FOCAD: variants seen among roughly 807,000 people sequenced by gnomAD.
FOCAD encodes the protein KIAA1797.
In FOCAD, 198 loss-of-function variants were observed where a neutral mutation model predicts 225.6. The observed-to-expected ratio is 0.88, with a 90% confidence interval of 0.78 to 0.99. FOCAD has a LOEUF of 0.99. Among genes scored for constraint, FOCAD ranks in the 50% least tolerant of loss-of-function variants. FOCAD has a pLI of 0.00. For synonymous variants in FOCAD, 897 were observed against 755.0 expected, an observed-to-expected ratio of 1.19 and a Z score of -3.08; for missense variants, 2,713 against 2,123.6, an observed-to-expected ratio of 1.28 and a Z score of -5.46.
intron 31 of FOCAD, 61 bp downstream of exon 31, chr9:20,948,454 T>C: frequency 6.4e-7 from 1 of 1,569,888 alleles, no homozygotes; most frequent in Non-Finnish European, 8.7e-7. Flanking sequence ...ACTACTTTAT[T>C]GGATCATTTA....
chr9:20,860,265 C>G (rs1828642244), intron 15 of FOCAD, among the ~76,000 whole-genome samples: 2 of 152,110 alleles, frequency 1.3e-5, no homozygotes, highest in Admixed American at 1.3e-4. Context: ...TCCAGGATCC[C>G]ATATTGCATT....
intron 8 of FOCAD, among the ~76,000 whole-genome samples, chr9:20,778,305 C>T (rs1331634576): frequency 6.6e-6 from 1 of 151,936 alleles, no homozygotes; most frequent in Non-Finnish European, 1.5e-5. Context: ...AGTGCAGTGG[C>T]ACCATCTTGG....
At chr9:20,929,680 C>T (rs193000457) in intron 27 of FOCAD, 84 bp downstream of exon 27, 1 of 1,077,788 alleles carries the variant, frequency 9.3e-7, no homozygotes, top group East Asian at 2.4e-5. Context: ...TATATATAAA[C>T]ATTGTATCTG....
intron 1 of FOCAD, among the ~76,000 whole-genome samples, chr9:20,703,996 G>A (rs895252971): frequency 6.6e-6 from 1 of 152,192 alleles, no homozygotes; most frequent in Non-Finnish European, 1.5e-5. Flanking sequence ...TGCTGTCTGT[G>A]TCAGGTTGCT....
At chr9:20,730,416 A>AT (rs770280212) in intron 4 of FOCAD, among the ~76,000 whole-genome samples, 6 of 152,130 alleles carry the variant, frequency 3.9e-5, no homozygotes, top group Admixed American at 6.5e-5. Context: ...CAAAATAATG[A>AT]TTTTTTAAAG....
intron 13 of FOCAD, 47 bp from the exon 14 acceptor site, chr9:20,820,894 T>A (rs1202812352): frequency 1.3e-6 from 2 of 1,596,288 alleles, no homozygotes; most frequent in Non-Finnish European, 1.7e-6. Context: ...TAATGATTAT[T>A]CAACTCAAGT....
At chr9:20,859,366 A>G (rs1450897159) in intron 15 of FOCAD, among the ~76,000 whole-genome samples, 1 of 150,722 alleles carries the variant, frequency 6.6e-6, no homozygotes, top group African/African-American at 2.4e-5. Flanking sequence ...AGGCAACAAG[A>G]GTGAAACTCC....
intron 11 of FOCAD, among the ~76,000 whole-genome samples, chr9:20,805,050 G>A (rs971080378): frequency 3.3e-5 from 5 of 152,046 alleles, no homozygotes; most frequent in African/African-American, 1.2e-4. Flanking sequence ...AATAGTTTCC[G>A]CAGGGAAATT....
intron 6 of FOCAD, among the ~76,000 whole-genome samples, chr9:20,759,619 A>T (rs1471430589): frequency 6.6e-6 from 1 of 152,170 alleles, no homozygotes; most frequent in African/African-American, 2.4e-5. Context: ...GTAGAAGAAA[A>T]CCTAGGCATT....
At chr9:20,928,479 T>G (rs1835166034) in intron 26 of FOCAD, among the ~76,000 whole-genome samples, 1 of 152,166 alleles carries the variant, frequency 6.6e-6, no homozygotes, top group African/African-American at 2.4e-5. Flanking sequence ...GCCCTTATGG[T>G]GTGTCTGAAA....
intron 24 of FOCAD, among the ~76,000 whole-genome samples, chr9:20,922,974 T>C (rs1834591201): frequency 6.6e-6 from 1 of 152,170 alleles, no homozygotes. Context: ...CTTAAGAGTT[T>C]ATTGCTGATA....
intron 35 of FOCAD, among the ~76,000 whole-genome samples, chr9:20,960,953 A>G (rs1401658494): frequency 1.3e-5 from 2 of 152,114 alleles, no homozygotes; most frequent in Non-Finnish European, 2.9e-5. Context: ...ATAGTATTCC[A>G]TGGTATTTAT....
At chr9:20,918,755 A>G (rs1295956950) in intron 24 of FOCAD, among the ~76,000 whole-genome samples, 3 of 152,074 alleles carry the variant, frequency 2.0e-5, no homozygotes, top group African/African-American at 7.2e-5. Context: ...AAAGTATCTT[A>G]TAGACCTTAT....
intron 34 of FOCAD, among the ~76,000 whole-genome samples, chr9:20,951,668 C>A (rs978122559): frequency 3.9e-5 from 6 of 152,114 alleles, no homozygotes; most frequent in African/African-American, 1.2e-4. Context: ...AAATTCTAGG[C>A]CTTAATATGA....
chr9:20,733,429 A>G (rs1222224280), intron 4 of FOCAD, among the ~76,000 whole-genome samples: 1 of 152,078 alleles, frequency 6.6e-6, no homozygotes, highest in Non-Finnish European at 1.5e-5. Context: ...ATATGTACAC[A>G]TGTGCCATGC....
intron 5 of FOCAD, among the ~76,000 whole-genome samples, chr9:20,755,387 C>A (rs546447172): frequency 3.9e-5 from 6 of 152,192 alleles, no homozygotes; most frequent in Non-Finnish European, 8.8e-5. Context: ...GGAGTGGCTC[C>A]CTCGGTATGC....
At chr9:20,762,471 T>A (rs1829687846) in intron 6 of FOCAD, among the ~76,000 whole-genome samples, 1 of 152,208 alleles carries the variant, frequency 6.6e-6, no homozygotes, top group South Asian at 2.1e-4. Context: ...TTTGTTTCCA[T>A]CATGTAGATG....
intron 19 of FOCAD, among the ~76,000 whole-genome samples, chr9:20,881,006 A>G (rs1448133510): frequency 2.0e-5 from 3 of 152,168 alleles, no homozygotes; most frequent in Admixed American, 1.3e-4. Flanking sequence ...TTCTGTTATT[A>G]TATAGTAAGT....
chr9:20,946,080 TATTCATTCATTCATTC>T (rs57359069), intron 29 of FOCAD, among the ~76,000 whole-genome samples: 62 of 122,510 alleles, frequency 5.1e-4, no homozygotes, highest in South Asian at 1.5e-3. Flanking sequence ...ATATTTTATT[TATTCATTCATTCATTC>T]ATTCATTCAT....
Sources: allele counts gnomAD v4.1 joint callset (sites outside exome capture counted in the v4.1 genomes callset), GRCh38; gene constraint gnomAD v4.1.1; transcripts MANE v1.5; gene names NCBI Gene and HGNC (gene_info 2026-07-23, HGNC 2026-07-21).